COL12A1: variants seen among roughly 807,000 people sequenced by gnomAD.
The protein encoded by COL12A1 is collagen alpha-1(XII) chain.
In COL12A1, 114 loss-of-function variants were observed where a neutral mutation model predicts 349.7. The ratio of observed to expected loss-of-function variants is 0.33; its 90% CI spans 0.28 to 0.38. The LOEUF (loss-of-function observed/expected upper bound fraction) is 0.38, where lower values mean the gene tolerates loss of function less well. Among genes scored for constraint, COL12A1 ranks in the 10% least tolerant of loss-of-function variants. COL12A1 has a pLI of 1.00. For synonymous variants in COL12A1, 1,369 were observed against 1,329.0 expected, an observed-to-expected ratio of 1.03 and a Z score of -0.66; for missense variants, 3,284 against 3,756.9, an observed-to-expected ratio of 0.87 and a Z score of 3.29.
chr6:75,139,719 C>A (rs1766799552), intron 27 of COL12A1, among the ~76,000 whole-genome samples: 1 of 152,144 alleles, frequency 6.6e-6, no homozygotes, highest in Non-Finnish European at 1.5e-5. Context: ...AGATCACTAA[C>A]CTTAAACATG....
At chr6:75,119,858 C>G (rs1333600530) in intron 44 of COL12A1, among the ~76,000 whole-genome samples, 2 of 152,138 alleles carry the variant, frequency 1.3e-5, no homozygotes, top group Non-Finnish European at 2.9e-5. Flanking sequence ...TGCTACTTCC[C>G]ACTGACTATA....
intron 57 of COL12A1, 146 bp downstream of exon 57, chr6:75,101,853 G>T (rs1768320386): frequency 9.7e-7 from 1 of 1,027,940 alleles, no homozygotes; most frequent in Non-Finnish European, 1.5e-6. Flanking sequence ...CCAACTTGAA[G>T]GTTAAGACCA....
At chr6:75,095,590 G>A (rs1767972547) in intron 59 of COL12A1, among the ~76,000 whole-genome samples, 1 of 137,726 alleles carries the variant, frequency 7.3e-6, no homozygotes. Context: ...GCAGTCCGCA[G>A]TCCGGCCTGG....
rs1357325121 is a variant in COL12A1, at chr6:75,175,229, T to C, written c.2519A>G (p.Lys840Arg). The C allele has an allele frequency of 2.5e-6, 4 of 1,614,090 alleles. No homozygotes were observed. In the African/African-American group the frequency reaches 4.0e-5, roughly 16 times the overall value. The change falls in exon 13 of 66, where the codon AAA (lysine) becomes AGA (arginine). Residue 840 changes from lysine (K) to arginine (R), a missense_variant. By Grantham distance (26) the Lys-to-Arg change is conservative (BLOSUM62 2). This residue lies in a region of COL12A1 where 2,601 missense variants were observed against 2,824.8 expected (regional missense o/e 0.92). Transcript: ENST00000322507. ...MKLSWSGAPG[K>R]VKQYLVTYTP... ...ATATGTGACGAGATACTGTTTCACT[T>C]TTCCTGGTGCCCCACTCCAAGATAA...
chr6:75,197,217 C>A (rs961296582), intron 2 of COL12A1, among the ~76,000 whole-genome samples: 3 of 151,950 alleles, frequency 2.0e-5, no homozygotes, highest in Non-Finnish European at 2.9e-5. Flanking sequence ...AAAATATTTT[C>A]TTTTACATAA....
At chr6:75,131,469 C>T (rs993420559) in intron 35 of COL12A1, among the ~76,000 whole-genome samples, 3 of 152,164 alleles carry the variant, frequency 2.0e-5, no homozygotes, top group Non-Finnish European at 4.4e-5. Flanking sequence ...TCTTTGTCAA[C>T]ACTGTTTATT....
At chr6:75,138,386 G>A (rs1766729169) in intron 29 of COL12A1, 46 bp from the exon 30 acceptor site, 2 of 1,608,376 alleles carry the variant, frequency 1.2e-6, no homozygotes, top group Non-Finnish European at 1.7e-6. Flanking sequence ...TATAGCTGTA[G>A]CCCTATTTTT....
intron 52 of COL12A1, among the ~76,000 whole-genome samples, chr6:75,106,913 T>C (rs2149350256): frequency 7.0e-6 from 1 of 143,720 alleles, no homozygotes; most frequent in South Asian, 2.3e-4. Context: ...TTTTTTTTTT[T>C]TTTTTTGAGA....
chr6:75,085,077 T>C lies in COL12A1; in HGVS notation c.*1470A>G, dbSNP rs974354548. ...TACAATCAGAAAGGGTACTCCTGGA[T>C]GAGCAACGCTGGAAGAAACACCTCA... On this transcript the variant is annotated 3_prime_UTR_variant, in exon 66 of 66. Coordinates refer to ENST00000322507, the MANE Select transcript of COL12A1 (RefSeq NM_004370.6). The C allele has an allele frequency of 2.8e-6, 1 of 352,420 alleles. No individual in the cohort carries two copies. The highest frequency in any genetic ancestry group is 5.7e-6 in the Non-Finnish European group (1 of 175,464). The allele number at this position is 352,420 out of a possible 1,614,324, so 21.8% of individuals were successfully genotyped here.
rs764813428 is a variant in COL12A1 at position 75,152,426 on chromosome 6, A to G, written c.3622T>C (p.Trp1208Arg). The G allele has an allele frequency of 3.1e-6, 5 of 1,613,538 alleles. No homozygotes were observed. In the African/African-American group the frequency reaches 5.3e-5, roughly 17 times the overall value. The change falls in exon 18 of 66, where the codon TGG (tryptophan) becomes CGG (arginine). Residue 1208 changes from tryptophan (W) to arginine (R), a missense_variant. Physicochemically the swap from Trp to Arg is moderately radical, Grantham distance 101. Transcript: ENST00000322507. Reference sequence around the variant, plus strand: ...CTAAAATTTGCCCGGCCGATGCTCCATGATCCATCCACCAGCAACACAATG... The same window carrying G: ...CTAAAATTTGCCCGGCCGATGCTCCGTGATCCATCCACCAGCAACACAATG... The part of the protein sequence containing the change: ...ADIVLLVDGS[W>R]SIGRANFRTV...
chr6:75,170,543 C>T (rs1291163789), intron 13 of COL12A1, among the ~76,000 whole-genome samples: 1 of 152,216 alleles, frequency 6.6e-6, no homozygotes, highest in African/African-American at 2.4e-5. Context: ...AATTAAATTA[C>T]CATTCAACTT....
chr6:75,102,636 G>A lies in COL12A1; in HGVS notation c.8376C>T (p.Gly2792=). The A allele has an allele frequency of 6.4e-7, 1 of 1,570,664 alleles. No individual in the cohort carries two copies. The highest frequency in any genetic ancestry group is 8.6e-7 in the Non-Finnish European group (1 of 1,159,346). The change falls in exon 56 of 66, where the codon GGC becomes GGT. Residue 2792 remains glycine (G), a synonymous_variant. Transcript: ENST00000322507. ...IGPPGPQGPP[G]PQGPNGLSIP... is the part of the protein sequence containing the mutation. ...TAGAGAGTCCATTGGGTCCCTGAGG[G>A]CCTGGAGGACCCTGGGGGCCTGGAG...
rs748734386 is a variant in COL12A1, at chr6:75,189,718, A to G, written c.492T>C (p.Ala164=). 8 of 1,613,332 alleles carry G rather than the reference A, an allele frequency of 5.0e-6. No homozygotes were observed. The African/African-American group carries it at 1.1e-4, about 22-fold the overall frequency. ...NNFKYILDFI[A]ALVSAFDIGE... is the part of the protein sequence containing the mutation. ...CAATGTCAAAAGCAGACACAAGAGC[A>G]GCAATGAAGTCTAAAATGTACTTGA... Residue 164 remains alanine, a synonymous_variant, in exon 6 of 66, where the codon GCT becomes GCC. Transcript: ENST00000322507.
At chr6:75,200,946 A>C (rs189351193) in intron 2 of COL12A1, among the ~76,000 whole-genome samples, 1,772 of 139,088 alleles carry the variant, frequency 0.013, 29 homozygotes, top group African/African-American at 0.05. Flanking sequence ...ATTAAGAAGC[A>C]AAAAAAAAAA....
Position 75,143,282 on chromosome 6 carries a change from T to A in COL12A1, c.4797A>T (p.Arg1599=), listed in dbSNP as rs1025841228. ...TGACATCCTCTTCTGGTGTTTTGTA[T>A]CGAACAATATATTTACGCACTTTTC... ...VPGKVRKYIV[R]YKTPEEDVKE... The change falls in exon 26 of 66, where the codon CGA becomes CGT. Residue 1599 remains arginine, a synonymous_variant. Transcript: ENST00000322507. 1.2e-5 allele frequency: 19 copies of A among 1,613,888 alleles called. No individual in the cohort carries two copies. The African/African-American group carries it at 1.5e-4, about 12-fold the overall frequency.
Position 75,113,989 on chromosome 6 carries a change from C to T in COL12A1, c.7698-245G>A, listed in dbSNP as rs1196948336. On this transcript the variant is annotated intron_variant, in intron 49 of 65. Coordinates refer to ENST00000322507, the MANE Select transcript of COL12A1 (RefSeq NM_004370.6). ...AAAGACCAGTTATGTAAATTATAAT[C>T]GATTACTTCTAATTTGATAAAGTCA... Among the ~76,000 whole-genome samples, 3 of 151,576 alleles carry T rather than the reference C, an allele frequency of 2.0e-5. No individual in the cohort carries two copies. The East Asian group carries it at 5.8e-4, about 29-fold the overall frequency.
Position 75,151,971 on chromosome 6 carries a change from C to T in COL12A1, c.3896G>A (p.Arg1299Gln), listed in dbSNP as rs1767515615. ...AATGAGCACACCAATTTTTCGAGCT[C>T]GAGGTCTCATGCCAGCTTGGGTCCT... ...NFRTQAGMRP[R>Q]ARKIGVLITD... Residue 1299 changes from arginine to glutamine, a missense_variant, in exon 20 of 66, where the codon CGA (arginine) becomes CAA (glutamine). Arg to Gln is a conservative substitution (Grantham distance 43, BLOSUM62 1). Coordinates refer to ENST00000322507, the MANE Select transcript of COL12A1 (RefSeq NM_004370.6). The T allele has an allele frequency of 1.2e-6, 2 of 1,613,794 alleles. No individual in the cohort carries two copies. The highest frequency in any genetic ancestry group is 1.7e-6 in the Non-Finnish European group (2 of 1,179,804).
At chr6:75,160,358 T>C (rs1562249840) in intron 14 of COL12A1, among the ~76,000 whole-genome samples, 1 of 152,312 alleles carries the variant, frequency 6.6e-6, no homozygotes, top group East Asian at 1.9e-4. Flanking sequence ...ACCATGTCCC[T>C]GAGTTTCAGG....
chr6:75,128,125 CAT>C (rs2149379625), intron 38 of COL12A1, among the ~76,000 whole-genome samples, 169 bp downstream of exon 38: 2 of 152,222 alleles, frequency 1.3e-5, no homozygotes, highest in South Asian at 4.2e-4. Flanking sequence ...ATTCCTTTCA[CAT>C]GTCATCATTT....
Sources: allele counts gnomAD v4.1 joint callset (sites outside exome capture counted in the v4.1 genomes callset), GRCh38; gene constraint gnomAD v4.1.1; regional missense constraint gnomAD v4.1.1; transcripts MANE v1.5; gene names NCBI Gene and HGNC (gene_info 2026-07-23, HGNC 2026-07-21).